Variants in LIPK observed in about 807,000 individuals in gnomAD.
LIPK encodes lipase member K.
In LIPK, 32 loss-of-function variants were observed where a neutral mutation model predicts 48.6. That is an observed-to-expected ratio of 0.66 (90% CI 0.50 to 0.88). The LOEUF (loss-of-function observed/expected upper bound fraction) is 0.88, where lower values mean the gene tolerates loss of function less well. Among genes scored for constraint, LIPK ranks in the 40% least tolerant of loss-of-function variants. The pLI is 0.00. For synonymous variants in LIPK, 164 were observed against 157.4 expected (o/e 1.04, Z -0.32); for missense variants, 507 against 478.5 (o/e 1.06, Z -0.56).
intron 4 of LIPK, among the ~76,000 whole-genome samples, chr10:88,731,621 T>C (rs1427429548): frequency 6.6e-6 from 1 of 152,270 alleles, no homozygotes; most frequent in Non-Finnish European, 1.5e-5. Flanking sequence ...TTGGCCTCGT[T>C]GCCTGCCTTC....
At chr10:88,751,509 G>C (rs1418326290) in intron 9 of LIPK, among the ~76,000 whole-genome samples, 1 of 152,122 alleles carries the variant, frequency 6.6e-6, no homozygotes, top group African/African-American at 2.4e-5. Flanking sequence ...ACAGGCGTGA[G>C]CCACCATGCC....
At chr10:88,714,883 T>G (rs1356110998) in intron 1 of LIPK, among the ~76,000 whole-genome samples, 1 of 152,026 alleles carries the variant, frequency 6.6e-6, no homozygotes, top group African/African-American at 2.4e-5. Context: ...CTCTTTATTA[T>G]TCCTCTCCTC....
intron 9 of LIPK, among the ~76,000 whole-genome samples, chr10:88,748,514 G>T (rs937142578): frequency 6.6e-6 from 1 of 151,852 alleles, no homozygotes; most frequent in African/African-American, 2.4e-5. Context: ...CTACTTGGGA[G>T]GCTAAGGCAC....
At chr10:88,715,763 CCTTT>C (rs1299069166) in intron 1 of LIPK, among the ~76,000 whole-genome samples, 2 of 150,088 alleles carry the variant, frequency 1.3e-5, no homozygotes, top group Non-Finnish European at 3.0e-5. Context: ...TTCTTTCTTT[CCTTT>C]CTTTCTCTCT....
intron 8 of LIPK, 69 bp downstream of exon 8, chr10:88,740,136 A>G: frequency 1.7e-6 from 2 of 1,204,638 alleles, no homozygotes; most frequent in East Asian, 5.0e-5. Context: ...GCTCTCAGAG[A>G]GCTCACTGCA....
chr10:88,711,499 G>C (rs944555688), intron 1 of LIPK, among the ~76,000 whole-genome samples: 2 of 152,104 alleles, frequency 1.3e-5, no homozygotes, highest in African/African-American at 4.8e-5. Flanking sequence ...TTTTGAGACA[G>C]TCTCACTCTA....
intron 1 of LIPK, among the ~76,000 whole-genome samples, chr10:88,723,093 C>A (rs1842264124): frequency 6.6e-6 from 1 of 151,908 alleles, no homozygotes; most frequent in African/African-American, 2.4e-5. Flanking sequence ...CCGTGTTGCC[C>A]AGGCTGGTCT....
chr10:88,716,356 C>CTATT (rs1554953702), intron 1 of LIPK, among the ~76,000 whole-genome samples: 2 of 120,300 alleles, frequency 1.7e-5, no homozygotes, highest in African/African-American at 6.3e-5. Flanking sequence ...AGGAAAATTT[C>CTATT]TTTTTTTTTT....
intron 6 of LIPK, 137 bp from the exon 7 acceptor site, chr10:88,737,498 A>C: frequency 1.2e-6 from 1 of 830,784 alleles, no homozygotes; most frequent in South Asian, 2.0e-5. Context: ...AGCTAATAAC[A>C]AGCCTCATGA....
At chr10:88,714,737 G>T (rs1474608394) in intron 1 of LIPK, among the ~76,000 whole-genome samples, 3 of 151,868 alleles carry the variant, frequency 2.0e-5, no homozygotes, top group Non-Finnish European at 4.4e-5. Flanking sequence ...TTTTATTTCT[G>T]ATATTGGCAC....
chr10:88,723,901 T>G (rs1210480215), intron 1 of LIPK, among the ~76,000 whole-genome samples: 1 of 152,134 alleles, frequency 6.6e-6, no homozygotes, highest in Non-Finnish European at 1.5e-5. Flanking sequence ...TAATATTTGA[T>G]GACTGAATAA....
At chr10:88,709,864 A>C (rs1841996753) in intron 1 of LIPK, among the ~76,000 whole-genome samples, 1 of 152,172 alleles carries the variant, frequency 6.6e-6, no homozygotes, top group Non-Finnish European at 1.5e-5. Context: ...TTAGAAAAGG[A>C]GACCCTGCTT....
intron 9 of LIPK, among the ~76,000 whole-genome samples, chr10:88,751,386 T>C (rs1474662259): frequency 2.0e-5 from 3 of 152,118 alleles, no homozygotes; most frequent in Non-Finnish European, 4.4e-5. Flanking sequence ...TTTTAATTTC[T>C]TTTTTCTTTT....
chr10:88,724,694 A>C, intron 2 of LIPK, 46 bp downstream of exon 2: 1 of 1,342,480 alleles, frequency 7.4e-7, no homozygotes, highest in East Asian at 2.6e-5. Flanking sequence ...GGAATTATTC[A>C]TATTTCAGCA....
At chr10:88,732,339 T>C in intron 5 of LIPK, 52 bp downstream of exon 5, 1 of 1,594,732 alleles carries the variant, frequency 6.3e-7, no homozygotes, top group East Asian at 2.2e-5. Flanking sequence ...TTCTTCCATA[T>C]GGCTACATTT....
rs774437931 is a variant in LIPK at position 88,732,447 on chromosome 10, G to A, written c.565G>A (p.Ala189Thr). 4 of 1,613,370 alleles carry A rather than the reference G, an allele frequency of 2.5e-6. No individual in the cohort carries two copies. Among genetic ancestry groups the A allele is most frequent in the Admixed American group, 1.7e-5 (1 of 59,934 alleles). ...AGCATTTTCTACAAACCCAGAACTG[G>A]CTAAAAAGATTAAGATATTTTTTGC... ...FIAFSTNPEL[A>T]KKIKIFFALA... Residue 189 changes from alanine to threonine, a missense_variant, in exon 6 of 10, where the codon GCT becomes ACT. By Grantham distance (58) the Ala-to-Thr change is moderately conservative. Coordinates refer to ENST00000404190, the MANE Select transcript of LIPK (RefSeq NM_001080518.2).
intron 9 of LIPK, among the ~76,000 whole-genome samples, chr10:88,745,194 T>A (rs773778141): frequency 1.7e-4 from 26 of 152,254 alleles, no homozygotes; most frequent in Non-Finnish European, 2.6e-4. Context: ...AGGAAGTAAC[T>A]TGGAAAACAT....
chr10:88,736,871 G>A (rs1279182241), intron 6 of LIPK, among the ~76,000 whole-genome samples: 4 of 152,134 alleles, frequency 2.6e-5, no homozygotes, highest in Non-Finnish European at 5.9e-5. Context: ...GGTTAATAAA[G>A]AATTCTAGAA....
At chr10:88,734,697 A>G (rs1842536216) in intron 6 of LIPK, among the ~76,000 whole-genome samples, 1 of 152,164 alleles carries the variant, frequency 6.6e-6, no homozygotes, top group Non-Finnish European at 1.5e-5. Context: ...TGGGGATTGG[A>G]CAAGAGTTGT....
Sources: allele counts gnomAD v4.1 joint callset (sites outside exome capture counted in the v4.1 genomes callset), GRCh38; gene constraint gnomAD v4.1.1; transcripts MANE v1.5; gene names NCBI Gene and HGNC (gene_info 2026-07-23, HGNC 2026-07-21).